Variants in ARHGEF10L observed in about 807,000 individuals in gnomAD.
ARHGEF10L encodes rho guanine nucleotide exchange factor 10-like protein.
In ARHGEF10L, 69 loss-of-function variants were observed where a neutral mutation model predicts 141.2. The ratio of observed to expected loss-of-function variants is 0.49; its 90% CI spans 0.40 to 0.60. ARHGEF10L has a LOEUF of 0.60. ARHGEF10L is among the 20% of genes least tolerant of loss of function. The pLI is 0.00. For missense variants in ARHGEF10L, 1,482 were observed against 1,734.3 expected (o/e 0.85, Z 2.58); for synonymous variants, 711 against 718.5 (o/e 0.99, Z 0.17).
At chr1:17,689,881 C>G in intron 27 of ARHGEF10L, 1 of 455,878 alleles carries the variant, frequency 2.2e-6, no homozygotes, top group South Asian at 1.6e-5. Context: ...GATGTGTGGA[C>G]AGACCTGGCT....
intron 8 of ARHGEF10L, among the ~76,000 whole-genome samples, chr1:17,614,209 G>C (rs1282730769): frequency 4.6e-5 from 7 of 150,668 alleles, no homozygotes; most frequent in African/African-American, 1.7e-4. Context: ...AGCCTTCCAG[G>C]AGGAGGAGAG....
chr1:17,644,957 TG>T lies in ARHGEF10L; in HGVS notation c.2273-3595del, dbSNP rs1173424560. On this transcript the variant is annotated intron_variant, in intron 21 of 28. Transcript: ENST00000361221. This position sits in a 1 kb window ranked among gnomAD's most constrained non-coding sequence, Gnocchi z 4.5. ...CACAGGCTCAGAGAGGGTAAGCACT[TG>T]GCTCCGTGTCACATAGTGAGTTGGA... is the stretch of plus-strand genomic sequence containing the variant. 5.3e-5 allele frequency among the ~76,000 whole-genome samples: 8 copies of T among 152,116 alleles called. No individual in the cohort carries two copies. The highest frequency in any genetic ancestry group is 1.9e-4 in the African/African-American group (8 of 41,424).
At chr1:17,587,288 C>T (rs551283774) in intron 2 of ARHGEF10L, among the ~76,000 whole-genome samples, 172 bp from the exon 3 acceptor site, 5 of 152,204 alleles carry the variant, frequency 3.3e-5, no homozygotes, top group African/African-American at 9.6e-5. Context: ...ACCCCCTCCC[C>T]CCGGCCTTAC....
intron 1 of ARHGEF10L, among the ~76,000 whole-genome samples, chr1:17,569,469 G>A (rs768236136): frequency 2.3e-4 from 35 of 152,182 alleles, no homozygotes; most frequent in African/African-American, 9.7e-5. Flanking sequence ...TTGCCCTGCC[G>A]TTGTTGGGTG....
chr1:17,587,453 C>T lies in ARHGEF10L; in HGVS notation c.38-7C>T. The T allele has an allele frequency of 6.2e-7, 1 of 1,611,132 alleles. No individual in the cohort carries two copies. The highest frequency in any genetic ancestry group is 8.5e-7 in the Non-Finnish European group (1 of 1,178,648). On this transcript the variant is annotated splice_polypyrimidine_tract_variant and splice_region_variant and intron_variant, in intron 2 of 28. Transcript: ENST00000361221. ...CTGCAGCCTGGCCAACTCCTTCTCTCTTCCAGGAGATCAGCTGGTTCCAGG... is the reference window on the plus strand; with the variant it reads ...CTGCAGCCTGGCCAACTCCTTCTCTTTTCCAGGAGATCAGCTGGTTCCAGG...
chr1:17,667,183 AG>A (rs1478761178), intron 26 of ARHGEF10L, among the ~76,000 whole-genome samples: 3 of 152,208 alleles, frequency 2.0e-5, no homozygotes, highest in African/African-American at 7.2e-5. Flanking sequence ...GCGCCCATTC[AG>A]GGCAGTGGTG....
chr1:17,574,759 C>T (rs996129154), intron 1 of ARHGEF10L, among the ~76,000 whole-genome samples: 10 of 152,320 alleles, frequency 6.6e-5, no homozygotes, highest in Middle Eastern at 3.4e-3. Context: ...TGGCCCTTTG[C>T]GCTGAGAAGA....
At chr1:17,690,016 T>G (rs2064979663) in intron 27 of ARHGEF10L, 1 of 357,582 alleles carries the variant, frequency 2.8e-6, no homozygotes, top group African/African-American at 2.1e-5. Flanking sequence ...CATTCGTTGT[T>G]ATGATGATGA....
the ARHGEF10L span, among the ~76,000 whole-genome samples, chr1:17,524,782 C>T: frequency 1.8e-4 from 27 of 152,028 alleles, no homozygotes; most frequent in Non-Finnish European, 3.4e-4. Context: ...GGCAGCTCCC[C>T]GGGGAATGGG....
At chr1:17,648,377 G>A (rs1052730920) in intron 21 of ARHGEF10L, among the ~76,000 whole-genome samples, 177 bp from the exon 22 acceptor site, 5 of 152,142 alleles carry the variant, frequency 3.3e-5, no homozygotes, top group African/African-American at 7.2e-5. Flanking sequence ...CCCTGGCCAC[G>A]GCATCACTCC....
Position 17,621,863 on chromosome 1 carries a change from G to A in ARHGEF10L, c.943-1G>A, listed in dbSNP as rs555835738. The A allele has an allele frequency of 6.2e-7, 1 of 1,614,136 alleles. No individual in the cohort carries two copies. Among genetic ancestry groups the A allele is most frequent in the South Asian group, 1.1e-5 (1 of 91,070 alleles). ...CTGACCGTGCTTTTTGGCCCGAGCAGGTGGTCCGGAGGCATATCCTGGGCT... is the reference window on the plus strand; with the variant it reads ...CTGACCGTGCTTTTTGGCCCGAGCAAGTGGTCCGGAGGCATATCCTGGGCT... On this transcript the variant is annotated splice_acceptor_variant, in intron 10 of 28. Transcript: ENST00000361221. LOFTEE classifies it high-confidence loss of function. This position sits in a 1 kb window ranked among gnomAD's most constrained non-coding sequence, Gnocchi z 4.1.
chr1:17,546,387 A>T (rs1177984937), intron 1 of ARHGEF10L, among the ~76,000 whole-genome samples: 1 of 152,172 alleles, frequency 6.6e-6, no homozygotes, highest in Non-Finnish European at 1.5e-5. Flanking sequence ...AAGGCAACTG[A>T]TTTTGACTTT....
intron 25 of ARHGEF10L, among the ~76,000 whole-genome samples, chr1:17,663,988 A>C (rs2062808012): frequency 6.6e-6 from 1 of 152,042 alleles, no homozygotes; most frequent in African/African-American, 2.4e-5. Flanking sequence ...ACACCTGCTC[A>C]TTTGTGCTTG....
the ARHGEF10L span, among the ~76,000 whole-genome samples, chr1:17,525,236 C>T: frequency 7.2e-5 from 11 of 152,150 alleles, no homozygotes; most frequent in African/African-American, 2.4e-4. Context: ...CCCACCTTCT[C>T]CCTCCGCATC....
At chr1:17,692,521 T>A (rs11203436) in intron 27 of ARHGEF10L, among the ~76,000 whole-genome samples, 2 of 152,064 alleles carry the variant, frequency 1.3e-5, no homozygotes, top group African/African-American at 4.8e-5. Context: ...TTCCTTCCTC[T>A]GCTCCACCTC....
chr1:17,638,831 G>A (rs1011655598), intron 20 of ARHGEF10L, 142 bp downstream of exon 20: 18 of 1,247,938 alleles, frequency 1.4e-5, no homozygotes, highest in Admixed American at 2.6e-5. Flanking sequence ...CGTGGGCCAT[G>A]TCTGGGATAG....
rs547863970 is a variant in ARHGEF10L at position 17,584,428 on chromosome 1, C to T, written c.38-3032C>T. Among the ~76,000 whole-genome samples the T allele has an allele frequency of 1.4e-4, 21 of 152,188 alleles. No individual in the cohort carries two copies. The East Asian group carries it at 2.3e-3, about 17-fold the overall frequency. ...TATCACGTGCCTCCTGTATGCTGGA[C>T]GTTACACTAGATGCTGAGGATGCAA... is the stretch of plus-strand genomic sequence containing the variant. On this transcript the variant is annotated intron_variant, in intron 2 of 28. Coordinates refer to ENST00000361221, the MANE Select transcript of ARHGEF10L (RefSeq NM_018125.4).
chr1:17,664,457 G>T lies in ARHGEF10L; in HGVS notation c.2871G>T (p.Leu957=). ...CCTCTCTCCCTGCAGGAGGTGTCCT[G>T]TGGGACCTGGAGAGCCCTCCCGTGT... The part of the protein sequence containing the change: ...AAYPRTSGGV[L]WDLESPPVCL... Residue 957 remains leucine (L), a synonymous_variant, in exon 26 of 29, where the codon CTG becomes CTT. Transcript: ENST00000361221. The T allele has an allele frequency of 6.2e-7, 1 of 1,603,882 alleles. No homozygotes were observed. The highest frequency in any genetic ancestry group is 8.5e-7 in the Non-Finnish European group (1 of 1,179,688).
chr1:17,597,650 G>T (rs908919913), intron 4 of ARHGEF10L, among the ~76,000 whole-genome samples: 3 of 152,214 alleles, frequency 2.0e-5, no homozygotes, highest in Non-Finnish European at 4.4e-5. Context: ...TTTGCAGATA[G>T]ATCACCGGGG....
Sources: gnomAD v4.1 joint callset for allele counts (sites outside exome capture counted in the v4.1 genomes callset) on GRCh38, gnomAD v4.1.1 for gene constraint, Gnocchi (gnomAD v3.1) non-coding constraint, MANE v1.5 for transcripts, NCBI Gene and HGNC (gene_info 2026-07-23, HGNC 2026-07-21) for gene names.